NEK11: variants seen among roughly 807,000 people sequenced by gnomAD.
NEK11 encodes NIMA related kinase 11.
A neutral mutation model predicts 80.7 loss-of-function variants in NEK11; 72 were observed. The observed-to-expected ratio is 0.89, with a 90% CI of 0.74 to 1.08. The LOEUF is 1.08. Ranked by LOEUF, NEK11 falls within the 50% of genes least tolerant of loss-of-function variation. The pLI is 0.00. For missense variants in NEK11, 764 were observed against 763.6 expected, an observed-to-expected ratio of 1.00 and a Z score of -0.01; for synonymous variants, 251 against 260.7, an observed-to-expected ratio of 0.96 and a Z score of 0.36.
chr3:131,293,866 G>A (rs930461824), intron 17 of NEK11, among the ~76,000 whole-genome samples: 4 of 151,980 alleles, frequency 2.6e-5, no homozygotes, highest in Non-Finnish European at 5.9e-5. Context: ...TGGACATAGA[G>A]TCCCTCATAG....
chr3:131,063,290 G>A (rs544281050), intron 3 of NEK11, among the ~76,000 whole-genome samples: 2 of 152,300 alleles, frequency 1.3e-5, no homozygotes, highest in South Asian at 4.1e-4. Flanking sequence ...CTCACAAAGT[G>A]CTAGGATTAC....
intron 14 of NEK11, among the ~76,000 whole-genome samples, chr3:131,181,528 C>T (rs2093342342): frequency 6.6e-6 from 1 of 152,020 alleles, no homozygotes; most frequent in African/African-American, 2.4e-5. Context: ...GGGCAGATCA[C>T]AAGGTCAGGA....
At chr3:131,288,796 C>T (rs1436498109) in intron 17 of NEK11, among the ~76,000 whole-genome samples, 1 of 152,182 alleles carries the variant, frequency 6.6e-6, no homozygotes, top group African/African-American at 2.4e-5. Context: ...TAGATTATGA[C>T]TTTCCTGACT....
At chr3:131,230,947 C>A (rs2095317313) in intron 15 of NEK11, among the ~76,000 whole-genome samples, 1 of 152,086 alleles carries the variant, frequency 6.6e-6, no homozygotes, top group African/African-American at 2.4e-5. Flanking sequence ...TAAGGGGTTT[C>A]CTTTTTCACT....
At chr3:131,029,969 G>A in intron 3 of NEK11, 91 bp downstream of exon 3, 1 of 1,219,196 alleles carries the variant, frequency 8.2e-7, no homozygotes, top group Non-Finnish European at 1.2e-6. Context: ...GCCAGGTATG[G>A]TGGCTCATGC....
chr3:131,125,791 A>T (rs1358869585), intron 5 of NEK11, among the ~76,000 whole-genome samples: 4 of 152,218 alleles, frequency 2.6e-5, no homozygotes, highest in Non-Finnish European at 4.4e-5. Flanking sequence ...ACATGCATTT[A>T]TTGAGCATCT....
intron 17 of NEK11, among the ~76,000 whole-genome samples, chr3:131,276,687 T>G (rs998331632): frequency 6.6e-6 from 1 of 152,088 alleles, no homozygotes; most frequent in African/African-American, 2.4e-5. Flanking sequence ...GCTTCATGAT[T>G]CTTCAACCCT....
At chr3:131,107,332 C>T (rs1185888411) in intron 4 of NEK11, among the ~76,000 whole-genome samples, 1 of 151,362 alleles carries the variant, frequency 6.6e-6, no homozygotes, top group Non-Finnish European at 1.5e-5. Context: ...ATACGTCGTG[C>T]ACATGTACCC....
At chr3:131,128,381 C>T (rs1266399920) in intron 5 of NEK11, among the ~76,000 whole-genome samples, 1 of 152,160 alleles carries the variant, frequency 6.6e-6, no homozygotes, top group African/African-American at 2.4e-5. Context: ...TTAACATTTT[C>T]CAGATTGTCA....
chr3:131,191,747 T>G (rs1420656406), intron 14 of NEK11, among the ~76,000 whole-genome samples: 3 of 152,044 alleles, frequency 2.0e-5, no homozygotes, highest in Admixed American at 2.0e-4. Flanking sequence ...TTTCAACAAA[T>G]GATATTAGGA....
At chr3:131,114,822 C>T (rs1244347089) in intron 5 of NEK11, among the ~76,000 whole-genome samples, 11 of 152,160 alleles carry the variant, frequency 7.2e-5, no homozygotes, top group Non-Finnish European at 1.6e-4. Flanking sequence ...TAGTTTTCTC[C>T]TTATATGATC....
chr3:131,335,585 C>T (rs190858122), intron 17 of NEK11, among the ~76,000 whole-genome samples: 2,533 of 152,226 alleles, frequency 0.017, 71 homozygotes, highest in African/African-American at 0.057. Context: ...TCTCACCACT[C>T]CTATTCAACA....
At chr3:131,165,567 T>A (rs2092134264) in intron 12 of NEK11, 48 bp downstream of exon 12, 3 of 1,216,898 alleles carry the variant, frequency 2.5e-6, no homozygotes, top group East Asian at 4.9e-5. Flanking sequence ...TTTCTTGCTT[T>A]AGATTCATGG....
intron 4 of NEK11, among the ~76,000 whole-genome samples, chr3:131,105,294 T>C (rs990503299): frequency 2.0e-5 from 3 of 152,252 alleles, no homozygotes; most frequent in Non-Finnish European, 4.4e-5. Flanking sequence ...AAAAAGTTGT[T>C]TTAACATAAA....
chr3:131,334,735 G>C (rs2097152930), intron 17 of NEK11, among the ~76,000 whole-genome samples: 1 of 151,634 alleles, frequency 6.6e-6, no homozygotes, highest in Admixed American at 6.6e-5. Flanking sequence ...GATTAATAAA[G>C]AAAAAAAGGG....
Position 131,245,340 on chromosome 3 carries a change from A to G in NEK11, c.1621+1844A>G, listed in dbSNP as rs115434094. Among the ~76,000 whole-genome samples, 709 of 141,726 alleles carry G rather than the reference A, an allele frequency of 5.0e-3. 3 individuals are homozygous for G. The highest frequency in any genetic ancestry group is 0.02 in the African/African-American group (638 of 32,600). The allele number at this position is 141,726 out of a possible 152,430, so 93.0% of individuals were successfully genotyped here. A position where few individuals can be genotyped will look rare whatever the true frequency, so the allele number is the denominator to read the frequency against. The stretch of plus-strand genomic sequence containing the variant: ...GTGTGTGTGTGTGTACTGTTATCCA[A>G]TCGTCCTTTGACGGACACTTAGGTT... On this transcript the variant is annotated intron_variant, in intron 16 of 17. Transcript: ENST00000383366.
chr3:131,104,074 C>T (rs1170900762), intron 4 of NEK11, among the ~76,000 whole-genome samples: 5 of 152,162 alleles, frequency 3.3e-5, no homozygotes, highest in East Asian at 1.9e-4. Flanking sequence ...GGTGGGGGCT[C>T]TGCCTAGGGA....
At chr3:131,246,269 A>G (rs1171553802) in intron 16 of NEK11, among the ~76,000 whole-genome samples, 1 of 152,050 alleles carries the variant, frequency 6.6e-6, no homozygotes, top group Non-Finnish European at 1.5e-5. Context: ...CCCTTTCCCC[A>G]CAAGTCCCTA....
chr3:131,208,886 A>G (rs185034252), intron 14 of NEK11, among the ~76,000 whole-genome samples: 3 of 152,192 alleles, frequency 2.0e-5, no homozygotes, highest in Admixed American at 1.3e-4. Flanking sequence ...GGGTTTTCTA[A>G]GTATACAATC....
Sources: allele counts gnomAD v4.1 joint callset (sites outside exome capture counted in the v4.1 genomes callset), GRCh38; gene constraint gnomAD v4.1.1; transcripts MANE v1.5; gene names NCBI Gene and HGNC (gene_info 2026-07-23, HGNC 2026-07-21).